MYO6: variants seen among roughly 807,000 people sequenced by gnomAD.
MYO6 encodes the protein myosin VI, also known as unconventional myosin-VI.
MYO6 carries 74 observed loss-of-function variants against 178.7 expected under a neutral mutation model. The ratio of observed to expected loss-of-function variants is 0.41; its 90% CI spans 0.34 to 0.50. The LOEUF (loss-of-function observed/expected upper bound fraction) is 0.50, where lower values mean the gene tolerates loss of function less well. MYO6 is among the 20% of genes least tolerant of loss of function. The pLI is 0.09. For missense variants in MYO6, 1,330 were observed against 1,547.4 expected (o/e 0.86, Z 2.36); for synonymous variants, 477 against 504.6 (o/e 0.95, Z 0.73).
chr6:75,763,555 TAAA>T (rs1369362301), intron 1 of MYO6, among the ~76,000 whole-genome samples: 1 of 152,168 alleles, frequency 6.6e-6, no homozygotes, highest in African/African-American at 2.4e-5. Context: ...ATATTACTAA[TAAA>T]AAAGGATTGA....
intron 10 of MYO6, among the ~76,000 whole-genome samples, chr6:75,846,053 T>C (rs1774704353): frequency 6.6e-6 from 1 of 151,766 alleles, no homozygotes. Context: ...TAATATATTA[T>C]GAAAAATTTA....
rs1781285374 is a variant in MYO6, at chr6:75,919,061, G to A, written c.*4049G>A. 6.6e-6 allele frequency: 1 copy of A among 152,388 alleles called. No individual in the cohort carries two copies. Among genetic ancestry groups the A allele is most frequent in the Non-Finnish European group, 1.5e-5 (1 of 68,198 alleles). 9.4% of individuals were successfully genotyped at this position (152,388 alleles called of 1,614,324 possible). On this transcript the variant is annotated 3_prime_UTR_variant, in exon 35 of 35. Transcript: ENST00000369977. Reference sequence around the variant, plus strand: ...TTGAACGCGGGAGGCAGAGGTTGCAGGGAGCCGAGATGGCGCCATTGCACT... The same window carrying A: ...TTGAACGCGGGAGGCAGAGGTTGCAAGGAGCCGAGATGGCGCCATTGCACT...
chr6:75,880,207 G>T (rs2149344218), intron 22 of MYO6, 87 bp downstream of exon 22: 1 of 1,003,020 alleles, frequency 1.0e-6, no homozygotes, highest in Admixed American at 2.3e-5. Context: ...TTAATAATTT[G>T]TATTATTCTT....
chr6:75,905,925 T>C (rs1425443118), intron 30 of MYO6, among the ~76,000 whole-genome samples: 1 of 152,260 alleles, frequency 6.6e-6, no homozygotes, highest in Non-Finnish European at 1.5e-5. Flanking sequence ...AAGAATAATT[T>C]CCTTTACTTC....
At chr6:75,863,393 G>A (rs1776366337) in intron 16 of MYO6, among the ~76,000 whole-genome samples, 1 of 152,140 alleles carries the variant, frequency 6.6e-6, no homozygotes, top group Non-Finnish European at 1.5e-5. Context: ...AAGCAATAGA[G>A]AGATTAGGTA....
intron 1 of MYO6, among the ~76,000 whole-genome samples, chr6:75,808,415 A>G (rs1443111493): frequency 2.0e-5 from 3 of 152,060 alleles, no homozygotes; most frequent in Admixed American, 6.6e-5. Context: ...CACCAATCCT[A>G]TCTGATTAGA....
intron 19 of MYO6, among the ~76,000 whole-genome samples, chr6:75,872,803 G>C (rs7761004): frequency 0.23 from 34,164 of 148,814 alleles, 5,059 homozygotes; most frequent in Middle Eastern, 0.39. Flanking sequence ...TTTTTTTGAC[G>C]GAGTCTCACT....
At chr6:75,786,872 T>C (rs1047267673) in intron 1 of MYO6, among the ~76,000 whole-genome samples, 7 of 152,198 alleles carry the variant, frequency 4.6e-5, no homozygotes, top group African/African-American at 1.7e-4. Context: ...GCAGAATCAT[T>C]ATCTCATCTG....
intron 1 of MYO6, among the ~76,000 whole-genome samples, chr6:75,815,769 C>T (rs1771175525): frequency 1.3e-5 from 2 of 152,210 alleles, no homozygotes; most frequent in Admixed American, 1.3e-4. Flanking sequence ...TTTCATGAAA[C>T]TACACCTGAG....
At chr6:75,873,658 A>C (rs1447366265) in intron 20 of MYO6, among the ~76,000 whole-genome samples, 1 of 152,204 alleles carries the variant, frequency 6.6e-6, no homozygotes, top group East Asian at 1.9e-4. Context: ...ATTTCACATT[A>C]AACATTTATG....
At chr6:75,868,080 T>C (rs2149315372) in intron 18 of MYO6, among the ~76,000 whole-genome samples, 1 of 152,282 alleles carries the variant, frequency 6.6e-6, no homozygotes, top group East Asian at 1.9e-4. Context: ...TTTAAGTGTC[T>C]GAATGTTATG....
At chr6:75,822,167 G>A (rs1377454417) in intron 2 of MYO6, among the ~76,000 whole-genome samples, 1 of 150,492 alleles carries the variant, frequency 6.6e-6, no homozygotes, top group Non-Finnish European at 1.5e-5. Flanking sequence ...GCATGATCTC[G>A]GCTCACTGCA....
chr6:75,916,436 T>G lies in MYO6; in HGVS notation c.*1424T>G, dbSNP rs1173419596. On this transcript the variant is annotated 3_prime_UTR_variant, in exon 35 of 35. Coordinates refer to ENST00000369977, the MANE Select transcript of MYO6 (RefSeq NM_004999.4). ...GAAATATTTATTTATTATGATACAT[T>G]CAAATGATTGTCAAGTTAAATTAAA... The G allele has an allele frequency of 6.6e-6, 1 of 152,654 alleles. No individual in the cohort carries two copies. Among genetic ancestry groups the G allele is most frequent in the African/African-American group, 2.4e-5 (1 of 41,452 alleles). The allele number at this position is 152,654 out of a possible 1,614,324, so 9.5% of individuals were successfully genotyped here.
rs1260902196 is a variant in MYO6 at position 75,915,798 on chromosome 6, G to A, written c.*786G>A. ...TTTGTTTCAATTAGAAAAGGAAATA[G>A]GTTTTAGGTGGCATAGTGGCTTAAC... is the stretch of plus-strand genomic sequence containing the variant. On this transcript the variant is annotated 3_prime_UTR_variant, in exon 35 of 35. Transcript: ENST00000369977. The A allele has an allele frequency of 1.3e-5, 2 of 152,612 alleles. No individual in the cohort carries two copies. Among genetic ancestry groups the A allele is most frequent in the Non-Finnish European group, 2.9e-5 (2 of 68,020 alleles). 9.5% of individuals were successfully genotyped at this position (152,612 alleles called of 1,614,324 possible).
chr6:75,797,442 C>G (rs115353409), intron 1 of MYO6, among the ~76,000 whole-genome samples: 173 of 152,254 alleles, frequency 1.1e-3, no homozygotes, highest in African/African-American at 3.8e-3. Context: ...ATGCATGTGT[C>G]TTTTTGGTAG....
At position 75,822,765 on chromosome 6, in the gene MYO6, T is replaced by A; in HGVS notation, c.118-17T>A. Reference sequence around the variant, plus strand: ...TTAAAAGCCTTGAGTTTAATGAGCATTTGTTTTGCTTGTTAGACATTTTTG... The same window carrying A: ...TTAAAAGCCTTGAGTTTAATGAGCAATTGTTTTGCTTGTTAGACATTTTTG... On this transcript the variant is annotated splice_polypyrimidine_tract_variant and intron_variant, in intron 2 of 34. Transcript: ENST00000369977. The A allele has an allele frequency of 6.2e-7, 1 of 1,610,150 alleles. No homozygotes were observed. The highest frequency in any genetic ancestry group is 8.5e-7 in the Non-Finnish European group (1 of 1,176,694).
intron 32 of MYO6, among the ~76,000 whole-genome samples, chr6:75,909,750 G>T (rs965497170): frequency 1.3e-5 from 2 of 152,054 alleles, no homozygotes; most frequent in African/African-American, 4.8e-5. Flanking sequence ...TATTTTGTGT[G>T]TTTTTTTCCC....
In MYO6 at chr6:75,886,881, C is replaced by T. The variant is rs121912561; in HGVS notation, c.2545C>T (p.Arg849Ter). ...GLVKVGTLKK[R>*]LDKFNEVVSV... ...GGTTAAGGTGGGCACACTGAAAAAACGACTTGATAAATTTAATGAGGTAGT... is the reference window on the plus strand; with the variant it reads ...GGTTAAGGTGGGCACACTGAAAAAATGACTTGATAAATTTAATGAGGTAGT... The change falls in exon 25 of 35, where the codon CGA becomes TGA. Residue 849 changes from arginine to a stop codon, truncating the protein, a stop_gained. Transcript: ENST00000369977. LOFTEE classifies it high-confidence loss of function. 5 of 1,613,450 alleles carry T rather than the reference C, an allele frequency of 3.1e-6. No individual in the cohort carries two copies. The highest frequency in any genetic ancestry group is 2.2e-5 in the East Asian group (1 of 44,800).
At chr6:75,805,021 A>ATATATATTT (rs1252912172) in intron 1 of MYO6, among the ~76,000 whole-genome samples, 11 of 77,284 alleles carry the variant, frequency 1.4e-4, no homozygotes, top group African/African-American at 8.1e-4. Context: ...ATATATATAT[A>ATATATATTT]TTTTTTTTTT....
Sources: gnomAD v4.1 joint callset for allele counts (sites outside exome capture counted in the v4.1 genomes callset) on GRCh38, gnomAD v4.1.1 for gene constraint, MANE v1.5 for transcripts, NCBI Gene and HGNC (gene_info 2026-07-23, HGNC 2026-07-21) for gene names.